Variants in BICC1 observed in about 807,000 individuals in gnomAD.
The protein encoded by BICC1 is BicC family RNA binding protein 1.
A neutral mutation model predicts 111.0 loss-of-function variants in BICC1; 43 were observed. The observed-to-expected ratio is 0.39, with a 90% CI of 0.30 to 0.50. The LOEUF (loss-of-function observed/expected upper bound fraction) is 0.50. Ranked by LOEUF, BICC1 falls within the 20% of genes least tolerant of loss-of-function variation. The probability of loss-of-function intolerance (pLI) is 0.88; values close to 1 mark genes in which losing one functional copy is unlikely to be tolerated. For missense variants in BICC1, 1,091 were observed against 1,203.2 expected, an observed-to-expected ratio of 0.91 and a Z score of 1.38; for synonymous variants, 467 against 434.4, an observed-to-expected ratio of 1.07 and a Z score of -0.93.
chr10:58,779,792 C>A (rs910769549), intron 3 of BICC1, among the ~76,000 whole-genome samples: 46 of 152,186 alleles, frequency 3.0e-4, no homozygotes, highest in Non-Finnish European at 6.5e-4. Context: ...GTAATAAATT[C>A]TGTGTGATAC....
At chr10:58,814,114 C>T in intron 18 of BICC1, 128 bp downstream of exon 18, 1 of 1,051,836 alleles carries the variant, frequency 9.5e-7, no homozygotes, top group Non-Finnish European at 1.5e-6. Flanking sequence ...GCCATCTCCT[C>T]TGTGAAGCCT....
intron 3 of BICC1, among the ~76,000 whole-genome samples, chr10:58,705,945 G>C (rs1840373720): frequency 6.6e-6 from 1 of 152,162 alleles, no homozygotes; most frequent in Non-Finnish European, 1.5e-5. Flanking sequence ...CAGTATAATG[G>C]ACATTTAAAT....
At chr10:58,611,948 T>G (rs1412991212) in intron 1 of BICC1, among the ~76,000 whole-genome samples, 1 of 152,200 alleles carries the variant, frequency 6.6e-6, no homozygotes, top group Non-Finnish European at 1.5e-5. Flanking sequence ...ATTATATTTA[T>G]TTTTGTCTAT....
chr10:58,783,235 T>A (rs1269211147), intron 3 of BICC1, among the ~76,000 whole-genome samples: 1 of 152,008 alleles, frequency 6.6e-6, no homozygotes, highest in East Asian at 1.9e-4. Flanking sequence ...AGACTCAAAT[T>A]AGGCACAGCT....
intron 9 of BICC1, among the ~76,000 whole-genome samples, chr10:58,794,165 T>TTGTG (rs71006206): frequency 0.04 from 5,564 of 138,224 alleles, 121 homozygotes; most frequent in East Asian, 0.091. Flanking sequence ...CTTACATGTT[T>TTGTG]TGTGTGTGTG....
chr10:58,715,774 A>G, intron 3 of BICC1: 1 of 1,457,476 alleles, frequency 6.9e-7, no homozygotes, highest in South Asian at 1.2e-5. Context: ...AAAGAACTGG[A>G]AAAACACAGG....
intron 9 of BICC1, 28 bp from the exon 10 acceptor site, chr10:58,796,311 CT>C (rs745387799): frequency 8.7e-6 from 14 of 1,600,730 alleles, no homozygotes; most frequent in South Asian, 2.2e-5. Flanking sequence ...TGCATGTCAC[CT>C]TTTTTCCCCC....
At chr10:58,673,469 C>G (rs1370082294) in intron 2 of BICC1, among the ~76,000 whole-genome samples, 1 of 152,194 alleles carries the variant, frequency 6.6e-6, no homozygotes, top group Non-Finnish European at 1.5e-5. Flanking sequence ...AATGCTTTAG[C>G]CTGTAAGACA....
At chr10:58,583,515 A>G (rs544278769) in intron 1 of BICC1, among the ~76,000 whole-genome samples, 2 of 151,530 alleles carry the variant, frequency 1.3e-5, no homozygotes, top group African/African-American at 4.8e-5. Flanking sequence ...TGTGGTCTCT[A>G]ATTCCATCTA....
intron 1 of BICC1, among the ~76,000 whole-genome samples, chr10:58,604,760 T>G (rs192609827): frequency 6.6e-6 from 1 of 152,212 alleles, no homozygotes; most frequent in African/African-American, 2.4e-5. Context: ...GAATGGTGTC[T>G]TAGTCTGTTT....
At chr10:58,689,088 G>A (rs1435651193) in intron 2 of BICC1, among the ~76,000 whole-genome samples, 1 of 152,034 alleles carries the variant, frequency 6.6e-6, no homozygotes, top group East Asian at 1.9e-4. Context: ...AAGGTTTTTG[G>A]TGCTAATGAT....
At chr10:58,792,111 T>C (rs1843198640) in intron 8 of BICC1, among the ~76,000 whole-genome samples, 1 of 152,152 alleles carries the variant, frequency 6.6e-6, no homozygotes, top group African/African-American at 2.4e-5. Flanking sequence ...ATTTTAATCC[T>C]AGTGTGCTTA....
intron 2 of BICC1, among the ~76,000 whole-genome samples, chr10:58,672,530 G>T (rs2132327913): frequency 6.6e-6 from 1 of 152,166 alleles, no homozygotes; most frequent in African/African-American, 2.4e-5. Flanking sequence ...ACTAGTTGGG[G>T]TCTGTATGTC....
At chr10:58,645,885 T>A (rs1021892387) in intron 2 of BICC1, among the ~76,000 whole-genome samples, 1 of 152,216 alleles carries the variant, frequency 6.6e-6, no homozygotes, top group African/African-American at 2.4e-5. Context: ...TCACTGAATT[T>A]TCCTGCTGAG....
chr10:58,561,251 C>T (rs1843595628), intron 1 of BICC1, among the ~76,000 whole-genome samples: 1 of 151,914 alleles, frequency 6.6e-6, no homozygotes, highest in East Asian at 1.9e-4. Flanking sequence ...CATATATTTA[C>T]AATAATTATA....
At chr10:58,605,995 A>G (rs4245599) in intron 1 of BICC1, among the ~76,000 whole-genome samples, 73,094 of 151,774 alleles carry the variant, frequency 0.48, 18,391 homozygotes, top group Admixed American at 0.64. Flanking sequence ...TTCTTTCTAC[A>G]CTGTCTAATG....
chr10:58,717,969 C>G (rs946504287), intron 3 of BICC1, among the ~76,000 whole-genome samples: 1 of 152,132 alleles, frequency 6.6e-6, no homozygotes, highest in Non-Finnish European at 1.5e-5. Flanking sequence ...CAAAAAAAAC[C>G]TCATGTTGTC....
intron 3 of BICC1, among the ~76,000 whole-genome samples, chr10:58,706,363 G>A (rs1005377611): frequency 6.6e-6 from 1 of 152,170 alleles, no homozygotes; most frequent in African/African-American, 2.4e-5. Context: ...AAAATGATTT[G>A]CAATGAGCAT....
intron 1 of BICC1, among the ~76,000 whole-genome samples, chr10:58,611,131 G>GCTTTT (rs1180346611): frequency 1.2e-4 from 19 of 152,324 alleles, no homozygotes; most frequent in Admixed American, 8.5e-4. Context: ...TGAAAATAAT[G>GCTTTT]CTGTGACAGA....
Sources: gnomAD v4.1 joint callset for allele counts (sites outside exome capture counted in the v4.1 genomes callset) on GRCh38, gnomAD v4.1.1 for gene constraint, MANE v1.5 for transcripts, NCBI Gene and HGNC (gene_info 2026-07-23, HGNC 2026-07-21) for gene names.